SCML4: variants seen among roughly 807,000 people sequenced by gnomAD.
SCML4 encodes Scm polycomb group protein like 4.
In SCML4, 34 loss-of-function variants were observed where a neutral mutation model predicts 41.1. The ratio of observed to expected loss-of-function variants is 0.83; its 90% confidence interval spans 0.63 to 1.10. The LOEUF (loss-of-function observed/expected upper bound fraction) is 1.10. Among genes scored for constraint, SCML4 ranks in the 50% least tolerant of loss-of-function variants. SCML4 has a pLI of 0.00. For missense variants in SCML4, 522 were observed against 534.1 expected, an observed-to-expected ratio of 0.98 and a Z score of 0.22; for synonymous variants, 214 against 220.9, an observed-to-expected ratio of 0.97 and a Z score of 0.28.
At chr6:107,808,761 A>C (rs990291852) in intron 1 of SCML4, among the ~76,000 whole-genome samples, 2 of 152,206 alleles carry the variant, frequency 1.3e-5, no homozygotes, top group African/African-American at 2.4e-5. Flanking sequence ...ATAATGCATT[A>C]ATGTAGTATG....
intron 1 of SCML4, among the ~76,000 whole-genome samples, chr6:107,776,653 A>T (rs1262196459): frequency 3.3e-5 from 5 of 152,302 alleles, no homozygotes; most frequent in African/African-American, 1.2e-4. Context: ...GCCTTTCTGG[A>T]GGACAATTTG....
intron 5 of SCML4, among the ~76,000 whole-genome samples, chr6:107,733,586 A>T (rs78686923): frequency 0.018 from 2,748 of 152,298 alleles, 50 homozygotes; most frequent in Non-Finnish European, 0.029. Context: ...TGGTGTGAGT[A>T]GCCTGCAGAT....
At chr6:107,738,190 G>A (rs2114473585) in intron 5 of SCML4, among the ~76,000 whole-genome samples, 1 of 152,280 alleles carries the variant, frequency 6.6e-6, no homozygotes, top group East Asian at 1.9e-4. Context: ...CACCCAGGGA[G>A]CTGTGTTACT....
At chr6:107,759,932 G>A (rs560099303) in intron 2 of SCML4, among the ~76,000 whole-genome samples, 6 of 152,122 alleles carry the variant, frequency 3.9e-5, no homozygotes, top group Non-Finnish European at 8.8e-5. Context: ...CAAATGACAC[G>A]CTAGTCCTGG....
chr6:107,751,646 C>G (rs541884102), intron 2 of SCML4, among the ~76,000 whole-genome samples: 3 of 103,736 alleles, frequency 2.9e-5, no homozygotes, highest in South Asian at 2.8e-4. Context: ...TTCTTTCTTT[C>G]TTTTTTGAGA....
intron 1 of SCML4, among the ~76,000 whole-genome samples, chr6:107,802,868 C>G (rs990735809): frequency 6.6e-6 from 1 of 151,870 alleles, no homozygotes; most frequent in African/African-American, 2.4e-5. Flanking sequence ...CTCAGCCTGC[C>G]GAGTGCCTGC....
At chr6:107,719,918 T>G (rs1775198377) in intron 6 of SCML4, 6 of 985,448 alleles carry the variant, frequency 6.1e-6, no homozygotes, top group Non-Finnish European at 7.2e-6. Context: ...AAATGATTTT[T>G]TAAAACATCA....
intron 1 of SCML4, among the ~76,000 whole-genome samples, chr6:107,806,194 C>CG (rs368135958): frequency 2.4e-4 from 5 of 20,870 alleles, no homozygotes; most frequent in East Asian, 1.4e-3. Context: ...TTTCCCCCCC[C>CG]CCAATAAACA....
chr6:107,755,900 TACAGGGAC>T (rs1409249933), intron 2 of SCML4, among the ~76,000 whole-genome samples: 7 of 152,102 alleles, frequency 4.6e-5, no homozygotes, highest in African/African-American at 1.7e-4. Context: ...GGGGACTGGT[TACAGGGAC>T]ACAGGTGCCA....
chr6:107,768,003 G>A, intron 2 of SCML4, among the ~76,000 whole-genome samples: 1 of 151,264 alleles, frequency 6.6e-6, no homozygotes, highest in Non-Finnish European at 1.5e-5. Context: ...GCTCATGCCT[G>A]TAACCCCAGC....
At chr6:107,719,850 C>A (rs1180604997) in intron 6 of SCML4, 1 of 973,220 alleles carries the variant, frequency 1.0e-6, no homozygotes, top group African/African-American at 1.8e-5. Context: ...GCTCTAGTCC[C>A]AGTGATTATC....
chr6:107,815,713 C>T (rs1337173475), intron 1 of SCML4, among the ~76,000 whole-genome samples: 6 of 152,186 alleles, frequency 3.9e-5, no homozygotes, highest in Non-Finnish European at 7.4e-5. Context: ...TACTTTGTCT[C>T]ATTCTTCTTT....
chr6:107,746,550 C>T (rs1778109247), intron 4 of SCML4, 139 bp downstream of exon 4: 3 of 688,036 alleles, frequency 4.4e-6, no homozygotes, highest in Non-Finnish European at 5.0e-6. Flanking sequence ...TTTTAGCTCA[C>T]AGGCTCATAA....
intron 5 of SCML4, among the ~76,000 whole-genome samples, chr6:107,726,465 G>A (rs2114427629): frequency 6.8e-6 from 1 of 147,692 alleles, no homozygotes; most frequent in Non-Finnish European, 1.5e-5. Context: ...CCCGGGAGGT[G>A]GAGCTTGCAG....
At chr6:107,718,745 C>T (rs1775078363) in intron 6 of SCML4, 1 of 152,220 alleles carries the variant, frequency 6.6e-6, no homozygotes, top group South Asian at 2.1e-4. Flanking sequence ...TGAGATTGCA[C>T]CAACGTGAGT....
upstream of SCML4, among the ~76,000 whole-genome samples, chr6:107,827,761 G>A (rs1785303716): frequency 6.6e-6 from 1 of 152,184 alleles, no homozygotes; most frequent in African/African-American, 2.4e-5. Context: ...CTGGTGGTTA[G>A]CAGGAGGCAA....
At chr6:107,709,420 C>A (rs79828084) in intron 6 of SCML4, among the ~76,000 whole-genome samples, 5,500 of 152,254 alleles carry the variant, frequency 0.036, 286 homozygotes, top group African/African-American at 0.12. Context: ...AGTGCCCTGC[C>A]CCGAGGCTGA....
chr6:107,793,306 C>A (rs144962191), intron 1 of SCML4, among the ~76,000 whole-genome samples: 90 of 152,310 alleles, frequency 5.9e-4, no homozygotes, highest in African/African-American at 2.1e-3. Flanking sequence ...TTCTTTGTTA[C>A]CTCAGCAGCA....
intron 1 of SCML4, among the ~76,000 whole-genome samples, chr6:107,802,760 TC>T (rs1186044268): frequency 7.1e-6 from 1 of 141,410 alleles, no homozygotes; most frequent in Non-Finnish European, 1.5e-5. Context: ...GGTCTCCCTC[TC>T]CCTCTCTTTC....
Sources: allele counts gnomAD v4.1 joint callset (sites outside exome capture counted in the v4.1 genomes callset), GRCh38; gene constraint gnomAD v4.1.1; transcripts MANE v1.5; gene names NCBI Gene and HGNC (gene_info 2026-07-23, HGNC 2026-07-21).